Variants in ATR observed in about 807,000 individuals in gnomAD.
The protein encoded by ATR is serine/threonine-protein kinase ATR.
ATR carries 142 observed loss-of-function variants against 305.3 expected under a neutral mutation model. That is an observed-to-expected ratio of 0.47 (90% confidence interval 0.41 to 0.53). The LOEUF is 0.53. ATR is among the 20% of genes least tolerant of loss of function. ATR has a pLI of 0.00. For synonymous variants in ATR, 1,050 were observed against 1,068.1 expected, an observed-to-expected ratio of 0.98 and a Z score of 0.33; for missense variants, 2,135 against 3,133.1, an observed-to-expected ratio of 0.68 and a Z score of 7.60.
At chr3:142,528,561 T>C (rs2033493624) in intron 21 of ATR, among the ~76,000 whole-genome samples, 1 of 152,054 alleles carries the variant, frequency 6.6e-6, no homozygotes, top group Admixed American at 6.5e-5. Flanking sequence ...TGCTTATCCC[T>C]TTATTTTTGG....
intron 46 of ATR, chr3:142,450,822 C>CA: frequency 2.9e-6 from 4 of 1,386,534 alleles, no homozygotes; most frequent in Non-Finnish European, 3.8e-6. Flanking sequence ...CACAAGCAGA[C>CA]AGAGCTTCCG....
intron 36 of ATR, among the ~76,000 whole-genome samples, chr3:142,473,941 A>ATTT (rs141622968): frequency 1.7e-5 from 2 of 114,914 alleles, no homozygotes; most frequent in Admixed American, 8.9e-5. Context: ...AAGTTATTGG[A>ATTT]TTTTTTTTTT....
intron 24 of ATR, 132 bp from the exon 25 acceptor site, chr3:142,515,647 A>G: frequency 9.8e-7 from 1 of 1,020,916 alleles, no homozygotes; most frequent in South Asian, 1.5e-5. Flanking sequence ...ACCTTTTTCC[A>G]GTATCCTTCT....
intron 21 of ATR, among the ~76,000 whole-genome samples, chr3:142,530,155 T>C (rs1486248235): frequency 1.3e-5 from 2 of 152,166 alleles, no homozygotes; most frequent in Non-Finnish European, 2.9e-5. Context: ...CTGTTTTTTA[T>C]ACCTTTATTC....
chr3:142,509,825 T>C (rs1332649163), intron 27 of ATR, among the ~76,000 whole-genome samples: 2 of 152,068 alleles, frequency 1.3e-5, no homozygotes, highest in East Asian at 3.9e-4. Flanking sequence ...TCTTAAAAGC[T>C]AGAATTTTGG....
At position 142,542,687 on chromosome 3, in the gene ATR, A is replaced by G. The variant is rs1386808501; in HGVS notation, c.3428T>C (p.Val1143Ala). 1.9e-6 allele frequency: 3 copies of G among 1,613,388 alleles called. No homozygotes were observed. The highest frequency in any genetic ancestry group is 2.5e-6 in the Non-Finnish European group (3 of 1,179,582). ...TACCATTTTCTTATCTTCAATGCCA[A>G]CACTAGAGCTCAGTAACTGCATGTT... is the stretch of plus-strand genomic sequence containing the variant. Reference protein sequence around the residue: ...FFNMQLLSSSVGIEDKKMALN... With the variant: ...FFNMQLLSSSAGIEDKKMALN... The change falls in exon 17 of 47, where the codon GTT becomes GCT. Residue 1143 changes from valine (V) to alanine (A), a missense_variant. Coordinates refer to ENST00000350721, the MANE Select transcript of ATR (RefSeq NM_001184.4).
At position 142,515,650 on chromosome 3, in the gene ATR, A is replaced by G. The variant is rs1378409572; in HGVS notation, c.4383-135T>C. ...TGCAATCTGCTTACCTTTTTCCAGT[A>G]TCCTTCTTAGGGGTGAAGTAGGTCA... is the stretch of plus-strand genomic sequence containing the variant. On this transcript the variant is annotated intron_variant, in intron 24 of 46. Coordinates refer to ENST00000350721, the MANE Select transcript of ATR (RefSeq NM_001184.4). 12 of 1,004,232 alleles carry G rather than the reference A, an allele frequency of 1.2e-5. No homozygotes were observed. In the South Asian group the frequency reaches 1.7e-4, roughly 14 times the overall value. 62.2% of individuals were successfully genotyped at this position (1,004,232 alleles called of 1,614,324 possible).
At position 142,542,700 on chromosome 3, in the gene ATR, G is replaced by T. The variant is rs1321308668; in HGVS notation, c.3415C>A (p.Leu1139Met). ...GILAFFNMQL[L>M]SSSVGIEDKK... ...TCTTCAATGCCAACACTAGAGCTCA[G>T]TAACTGCATGTTAAAAAAAGCCAAA... Residue 1139 changes from leucine (L) to methionine (M), a missense_variant, in exon 17 of 47, where the codon CTG (leucine) becomes ATG (methionine). By Grantham distance (15) the Leu-to-Met change is conservative. Around this residue, in one of 9 missense-constraint regions of ATR, gnomAD observed 530 missense variants for 766.8 expected, o/e 0.69. Transcript: ENST00000350721. The T allele has an allele frequency of 6.2e-7, 1 of 1,613,390 alleles. No individual in the cohort carries two copies. Among genetic ancestry groups the T allele is most frequent in the South Asian group, 1.1e-5 (1 of 91,056 alleles).
At chr3:142,514,220 C>G (rs116588507) in intron 25 of ATR, among the ~76,000 whole-genome samples, 381 of 151,800 alleles carry the variant, frequency 2.5e-3, no homozygotes, top group Non-Finnish European at 4.4e-3. Flanking sequence ...TTGCAGTGAG[C>G]CGAGACTGCA....
chr3:142,451,301 A>C (rs2070784792), intron 46 of ATR: 1 of 1,237,678 alleles, frequency 8.1e-7, no homozygotes, highest in Non-Finnish European at 1.0e-6. Context: ...GTGTGTGGGC[A>C]AGTTTGCCTG....
chr3:142,465,837 T>C (rs2071115359), intron 40 of ATR: 1 of 172,068 alleles, frequency 5.8e-6, no homozygotes, highest in African/African-American at 2.4e-5. Flanking sequence ...AAACCCCGTA[T>C]CTACAAAAAA....
At chr3:142,555,773 G>A (rs1300058052) in intron 10 of ATR, 104 bp downstream of exon 10, 47 of 1,356,338 alleles carry the variant, frequency 3.5e-5, no homozygotes, top group Non-Finnish European at 2.0e-6. Context: ...TATAAAGCAT[G>A]TAACTTCCTG....
chr3:142,555,776 A>ATTTTT, intron 10 of ATR, 101 bp downstream of exon 10: 5 of 1,378,896 alleles, frequency 3.6e-6, no homozygotes, highest in Non-Finnish European at 4.9e-6. Context: ...AAAGCATGTA[A>ATTTTT]CTTCCTGTAA....
At position 142,485,091 on chromosome 3, in the gene ATR, T is replaced by C. The variant is rs368398658; in HGVS notation, c.6221+49A>G. The C allele has an allele frequency of 7.6e-4, 1,226 of 1,604,844 alleles. 2 individuals carry two copies. The highest frequency in any genetic ancestry group is 9.7e-4 in the Non-Finnish European group (1,140 of 1,171,824). On this transcript the variant is annotated intron_variant, in intron 36 of 46. Coordinates refer to ENST00000350721, the MANE Select transcript of ATR (RefSeq NM_001184.4). ...CATGTGATAACAGTTTCAATATTAATAGTCATCCTTACATATTTAATCTGC... is the reference window on the plus strand; with the variant it reads ...CATGTGATAACAGTTTCAATATTAACAGTCATCCTTACATATTTAATCTGC...
intron 3 of ATR, among the ~76,000 whole-genome samples, chr3:142,564,261 TAGTGGTCTGGA>T (rs1342621670): frequency 1.3e-5 from 2 of 150,112 alleles, no homozygotes; most frequent in Admixed American, 1.3e-4. Flanking sequence ...CACTTTATTG[TAGTGGTCTGGA>T]ACTGAACCCA....
chr3:142,550,360 AC>A, intron 13 of ATR, 58 bp from the exon 14 acceptor site: 1 of 1,556,512 alleles, frequency 6.4e-7, no homozygotes, highest in Non-Finnish European at 8.9e-7. Flanking sequence ...TTTAACTAAT[AC>A]TTTTTAAGCC....
intron 25 of ATR, among the ~76,000 whole-genome samples, chr3:142,514,825 A>G (rs927778507): frequency 4.6e-5 from 7 of 150,624 alleles, no homozygotes; most frequent in East Asian, 1.9e-4. Flanking sequence ...AAAAAAAAAA[A>G]AAAGAAAGGT....
Position 142,531,700 on chromosome 3 carries a change from G to C in ATR, c.3945+3380C>G, listed in dbSNP as rs540287645. Among the ~76,000 whole-genome samples, 8 of 152,296 alleles carry C rather than the reference G, an allele frequency of 5.3e-5. No individual in the cohort carries two copies. In the South Asian group the frequency reaches 8.3e-4, roughly 16 times the overall value. On this transcript the variant is annotated intron_variant, in intron 21 of 46. Transcript: ENST00000350721. The stretch of plus-strand genomic sequence containing the variant: ...TTCCAAGTCTTTGCTATTGTGAATA[G>C]TGCTGCAATAAACATATGTGTGCAT...
intron 7 of ATR, 25 bp from the exon 8 acceptor site, chr3:142,558,801 T>A (rs1288972583): frequency 6.3e-6 from 10 of 1,577,722 alleles, no homozygotes; most frequent in Admixed American, 1.7e-5. Flanking sequence ...AATAAGTCAT[T>A]AATTATAACT....
Sources: gnomAD v4.1 joint callset for allele counts (sites outside exome capture counted in the v4.1 genomes callset) on GRCh38, gnomAD v4.1.1 for gene constraint, gnomAD v4.1.1 regional missense constraint, MANE v1.5 for transcripts, NCBI Gene and HGNC (gene_info 2026-07-23, HGNC 2026-07-21) for gene names.